Variants in RYR3 observed in about 807,000 individuals in gnomAD.
RYR3 encodes the protein brain ryanodine receptor-calcium release channel.
Under a neutral mutation model 584.3 loss-of-function variants are expected in RYR3, and 207 were observed. That is an observed-to-expected ratio of 0.35 (90% confidence interval 0.32 to 0.40). The LOEUF (loss-of-function observed/expected upper bound fraction) is 0.40. RYR3 is among the 10% of genes least tolerant of loss of function. The pLI is 1.00. For missense variants in RYR3, 5,616 were observed against 6,089.2 expected, an observed-to-expected ratio of 0.92 and a Z score of 2.59; for synonymous variants, 2,416 against 2,248.5, an observed-to-expected ratio of 1.07 and a Z score of -2.11.
At chr15:33,666,629 C>CT (rs35405678) in intron 36 of RYR3, among the ~76,000 whole-genome samples, 97,100 of 152,076 alleles carry the variant, frequency 0.64, 32,784 homozygotes, top group Non-Finnish European at 0.74. Flanking sequence ...CAGTGATATC[C>CT]TTCTACAACC....
intron 10 of RYR3, among the ~76,000 whole-genome samples, chr15:33,556,878 C>T (rs926600576): frequency 6.6e-6 from 1 of 151,236 alleles, no homozygotes; most frequent in African/African-American, 2.4e-5. Flanking sequence ...TCCAATTGTA[C>T]TCTGAATATA....
intron 7 of RYR3, among the ~76,000 whole-genome samples, chr15:33,541,566 CT>C: frequency 6.6e-6 from 1 of 152,262 alleles, no homozygotes; most frequent in Non-Finnish European, 1.5e-5. Flanking sequence ...GACCTATGGG[CT>C]ATTGTGTTAC....
intron 103 of RYR3, 149 bp downstream of exon 103, chr15:33,864,338 G>C (rs888153025): frequency 6.4e-6 from 4 of 622,894 alleles, no homozygotes; most frequent in Non-Finnish European, 1.1e-5. Flanking sequence ...TCAATAAGAA[G>C]CCAAAGTCCT....
chr15:33,422,499 G>A (rs1190497159), intron 1 of RYR3, among the ~76,000 whole-genome samples: 2 of 152,184 alleles, frequency 1.3e-5, no homozygotes, highest in African/African-American at 4.8e-5. Context: ...ATTGCAGAGG[G>A]ATAAATCAAG....
At chr15:33,559,099 G>T (rs1270813674) in intron 10 of RYR3, among the ~76,000 whole-genome samples, 3 of 152,164 alleles carry the variant, frequency 2.0e-5, no homozygotes, top group Admixed American at 1.3e-4. Flanking sequence ...GGTAAAGGAG[G>T]AGGTTGGCTT....
intron 65 of RYR3, among the ~76,000 whole-genome samples, chr15:33,784,814 G>A (rs2074605592): frequency 6.6e-6 from 1 of 152,122 alleles, no homozygotes; most frequent in African/African-American, 2.4e-5. Flanking sequence ...AGGAAAGAGT[G>A]TCCTTTACCT....
intron 38 of RYR3, among the ~76,000 whole-genome samples, chr15:33,693,412 TC>T (rs2065594523): frequency 6.6e-6 from 1 of 152,218 alleles, no homozygotes; most frequent in African/African-American, 2.4e-5. Flanking sequence ...TCCTAGGCCC[TC>T]CTACGCCCTG....
intron 24 of RYR3, 76 bp from the exon 25 acceptor site, chr15:33,634,510 G>A: frequency 6.7e-7 from 1 of 1,492,406 alleles, no homozygotes; most frequent in Non-Finnish European, 9.3e-7. Flanking sequence ...GACTGTTGCT[G>A]GGAATATGTG....
chr15:33,566,577 G>C (rs980887673), intron 11 of RYR3, 101 bp from the exon 12 acceptor site: 4 of 1,301,328 alleles, frequency 3.1e-6, no homozygotes, highest in Non-Finnish European at 4.4e-6. Flanking sequence ...CTTATTTGGA[G>C]AAAGGAATAA....
intron 19 of RYR3, among the ~76,000 whole-genome samples, chr15:33,614,482 T>C (rs2060351565): frequency 6.6e-6 from 1 of 152,198 alleles, no homozygotes; most frequent in Non-Finnish European, 1.5e-5. Flanking sequence ...AAATCTTTGC[T>C]GATTTGGAAA....
At chr15:33,746,003 G>A (rs1253659235) in intron 52 of RYR3, 65 bp from the exon 53 acceptor site, 2 of 1,014,738 alleles carry the variant, frequency 2.0e-6, no homozygotes, top group African/African-American at 1.6e-5. Flanking sequence ...TAGAAGCAGG[G>A]ATTTGGGTCA....
intron 46 of RYR3, among the ~76,000 whole-genome samples, chr15:33,728,448 G>A (rs896104917): frequency 8.5e-5 from 13 of 152,202 alleles, no homozygotes; most frequent in African/African-American, 3.1e-4. Flanking sequence ...TTTAACAACT[G>A]GCTGGAATTT....
intron 1 of RYR3, among the ~76,000 whole-genome samples, chr15:33,403,364 T>TA (rs2141397270): frequency 6.6e-6 from 1 of 152,310 alleles, no homozygotes; most frequent in East Asian, 1.9e-4. Flanking sequence ...AATGATAAGA[T>TA]ACATGTTTAA....
rs868072368 is a variant in RYR3, at chr15:33,722,737, C to T, written c.6642C>T (p.Ala2214=). Residue 2214 remains alanine (A), a synonymous_variant, in exon 44 of 104, where the codon GCC becomes GCT. Transcript: ENST00000634891. ...FVNSESVEEN[A]SVVVKLLIRR... The stretch of plus-strand genomic sequence containing the variant: ...CAGGTGAGAGTGTGGAAGAAAACGC[C>T]AGCGTTGTGGTCAAGCTGCTCATCA... 17 of 1,612,506 alleles carry T rather than the reference C, an allele frequency of 1.1e-5. No individual in the cohort carries two copies. The highest frequency in any genetic ancestry group is 1.3e-5 in the Non-Finnish European group (15 of 1,179,426).
chr15:33,664,589 GTA>G lies in RYR3; in HGVS notation c.5619+877_5619+878del, dbSNP rs139063789. 1.5e-3 allele frequency among the ~76,000 whole-genome samples: 136 copies of G among 91,368 alleles called. 2 individuals carry two copies. The highest frequency in any genetic ancestry group is 3.9e-3 in the African/African-American group (88 of 22,758). 59.9% of individuals were successfully genotyped at this position (91,368 alleles called of 152,430 possible). A position where few individuals can be genotyped will look rare whatever the true frequency, so the allele number is the denominator to read the frequency against. The stretch of plus-strand genomic sequence containing the variant: ...TATATAGATATATGTGTGTGTGTGT[GTA>G]TATATATATATATATATATATATAC... On this transcript the variant is annotated intron_variant, in intron 36 of 103. Transcript: ENST00000634891.
intron 60 of RYR3, among the ~76,000 whole-genome samples, chr15:33,759,590 T>C (rs1402774685): frequency 1.3e-5 from 2 of 151,798 alleles, no homozygotes; most frequent in African/African-American, 4.8e-5. Flanking sequence ...AAGGACAAGA[T>C]TAGAGAAAAA....
At chr15:33,458,180 G>T (rs980458228) in intron 1 of RYR3, among the ~76,000 whole-genome samples, 3 of 152,122 alleles carry the variant, frequency 2.0e-5, no homozygotes, top group African/African-American at 7.2e-5. Flanking sequence ...TAAGAAGAGT[G>T]GTTGCCAGGG....
At chr15:33,313,099 C>T (rs1413274264) in intron 1 of RYR3, among the ~76,000 whole-genome samples, 1 of 152,110 alleles carries the variant, frequency 6.6e-6, no homozygotes, top group Non-Finnish European at 1.5e-5. Context: ...GCAGTGACTC[C>T]AAATGTGGCG....
At position 33,695,430 on chromosome 15, in the gene RYR3, T is replaced by A. The variant is rs556951380; in HGVS notation, c.5861-788T>A. ...TCCTTTACTTGTATAGACAGTAAAA[T>A]TTCCGTAAAACCAGTATGAGCCCCA... On this transcript the variant is annotated intron_variant, in intron 38 of 103. Coordinates refer to ENST00000634891, the MANE Select transcript of RYR3 (RefSeq NM_001036.6). Among the ~76,000 whole-genome samples, 9 of 148,266 alleles carry A rather than the reference T, an allele frequency of 6.1e-5. No individual in the cohort carries two copies. In the South Asian group the frequency reaches 1.7e-3, roughly 28 times the overall value.
Sources: allele counts gnomAD v4.1 joint callset (sites outside exome capture counted in the v4.1 genomes callset), GRCh38; gene constraint gnomAD v4.1.1; transcripts MANE v1.5; gene names NCBI Gene and HGNC (gene_info 2026-07-23, HGNC 2026-07-21).